Variants in CCDC70 observed in about 807,000 individuals in gnomAD.
The protein encoded by CCDC70 is coiled-coil domain-containing protein 70.
In CCDC70, 4 loss-of-function variants were observed where a neutral mutation model predicts 9.1. The observed-to-expected ratio is 0.44, with a 90% CI of 0.22 to 1.00. CCDC70 has a LOEUF of 1.00. CCDC70 is among the 50% of genes least tolerant of loss of function. CCDC70 has a pLI of 0.25. For synonymous variants in CCDC70, 119 were observed against 94.0 expected, an observed-to-expected ratio of 1.27 and a Z score of -1.54; for missense variants, 308 against 271.3, an observed-to-expected ratio of 1.14 and a Z score of -0.95.
chr13:51,864,928 G>A (rs988198491), intron 1 of CCDC70, among the ~76,000 whole-genome samples: 9 of 152,106 alleles, frequency 5.9e-5, no homozygotes, highest in East Asian at 1.9e-4. Context: ...TCCCAGGCTC[G>A]TAACAGAGGA....
At chr13:51,863,128 T>C (rs1283401097) in intron 1 of CCDC70, among the ~76,000 whole-genome samples, 1 of 152,202 alleles carries the variant, frequency 6.6e-6, no homozygotes, top group Non-Finnish European at 1.5e-5. Flanking sequence ...GGATGCGACA[T>C]GTGCTTCACC....
At chr13:51,862,292 T>C (rs561467879) in intron 1 of CCDC70, 63 bp downstream of exon 1, 4 of 152,296 alleles carry the variant, frequency 2.6e-5, no homozygotes, top group East Asian at 1.9e-4. Context: ...ATATATAATA[T>C]TTTCCTTAAA....
Position 51,865,467 on chromosome 13 carries a change from C to A in CCDC70, c.56C>A (p.Ala19Glu), listed in dbSNP as rs146304026. The change falls in exon 2 of 2, where the codon GCG becomes GAG. Residue 19 changes from alanine to glutamate, a missense_variant. Physicochemically the swap from Ala to Glu is moderately radical, Grantham distance 107. Coordinates refer to ENST00000242819, the MANE Select transcript of CCDC70 (RefSeq NM_031290.4). ...GGGCTTGCCTGCTTCCGGTCCCTGG[C>A]GGCATCCTCTCCCAGTATTCGCCAG... ...WMGLACFRSLAASSPSIRQKK... is the reference protein window; with the variant it reads ...WMGLACFRSLEASSPSIRQKK... 17 of 1,614,162 alleles carry A rather than the reference C, an allele frequency of 1.1e-5. No homozygotes were observed. The South Asian group carries it at 1.6e-4, about 16-fold the overall frequency.
At chr13:51,864,120 TTTC>T (rs1956402444) in intron 1 of CCDC70, among the ~76,000 whole-genome samples, 1 of 151,008 alleles carries the variant, frequency 6.6e-6, no homozygotes, top group Non-Finnish European at 1.5e-5. Context: ...TCCCTCTCTT[TTTC>T]TTTTCTTTTT....
rs1431551546 is a variant in CCDC70, at chr13:51,865,835, G to A, written c.424G>A (p.Asp142Asn). The change falls in exon 2 of 2, where the codon GAC becomes AAC. Residue 142 changes from aspartate to asparagine, a missense_variant. Coordinates refer to ENST00000242819, the MANE Select transcript of CCDC70 (RefSeq NM_031290.4). ...WERDRNLLQE[D>N]KALWEEEKAL... ...AAGAGACCGGAACCTTCTTCAGGAG[G>A]ACAAGGCCCTGTGGGAGGAAGAAAA... is the stretch of plus-strand genomic sequence containing the variant. 3 of 1,614,192 alleles carry A rather than the reference G, an allele frequency of 1.9e-6. No individual in the cohort carries two copies. The highest frequency in any genetic ancestry group is 4.5e-5 in the East Asian group (2 of 44,886).
Position 51,865,564 on chromosome 13 carries a change from A to G in CCDC70, c.153A>G (p.Ile51Met), listed in dbSNP as rs755507137. Residue 51 changes from isoleucine to methionine, a missense_variant, in exon 2 of 2, where the codon ATA becomes ATG. Coordinates refer to ENST00000242819, the MANE Select transcript of CCDC70 (RefSeq NM_031290.4). Reference protein sequence around the residue: ...REEMKIFREKIEDFREEMWTF... With the variant: ...REEMKIFREKMEDFREEMWTF... ...AGATGAAAATTTTTCGTGAAAAAAT[A>G]GAGGACTTCAGGGAAGAGATGTGGA... 1.2e-6 allele frequency: 2 copies of G among 1,614,230 alleles called. No individual in the cohort carries two copies. Among genetic ancestry groups the G allele is most frequent in the Non-Finnish European group, 1.7e-6 (2 of 1,180,036 alleles).
rs1438641900 is a variant in CCDC70 at position 51,862,030 on chromosome 13, C to T, written c.-280C>T. 1.3e-5 allele frequency: 2 copies of T among 152,390 alleles called. No homozygotes were observed. Among genetic ancestry groups the T allele is most frequent in the Non-Finnish European group, 2.9e-5 (2 of 68,058 alleles). 9.4% of individuals were successfully genotyped at this position (152,390 alleles called of 1,614,324 possible). A position where few individuals can be genotyped will look rare whatever the true frequency, so the allele number is the denominator to read the frequency against. On this transcript the variant is annotated 5_prime_UTR_variant, in exon 1 of 2. Coordinates refer to ENST00000242819, the MANE Select transcript of CCDC70 (RefSeq NM_031290.4). Reference sequence around the variant, plus strand: ...TTTCAAACCTTTCAAGTGCCCCCTCCTTTCCTTAAAGTCTTTTATAGGGGT... The same window carrying T: ...TTTCAAACCTTTCAAGTGCCCCCTCTTTTCCTTAAAGTCTTTTATAGGGGT...
Sources: gnomAD v4.1 joint callset for allele counts (sites outside exome capture counted in the v4.1 genomes callset) on GRCh38, gnomAD v4.1.1 for gene constraint, MANE v1.5 for transcripts, NCBI Gene and HGNC (gene_info 2026-07-23, HGNC 2026-07-21) for gene names.